Variants in BCKDHB observed in about 807,000 individuals in gnomAD.
BCKDHB encodes branched chain keto acid dehydrogenase E1 subunit beta, also known as 2-oxoisovalerate dehydrogenase subunit beta, mitochondrial.
Under a neutral mutation model 48.5 loss-of-function variants are expected in BCKDHB, and 41 were observed. That is an observed-to-expected ratio of 0.85 (90% CI 0.66 to 1.10). The LOEUF is 1.10. Among genes scored for constraint, BCKDHB ranks in the 50% least tolerant of loss-of-function variants. The pLI is 0.00. For missense variants in BCKDHB, 496 were observed against 494.2 expected, an observed-to-expected ratio of 1.00 and a Z score of -0.03; for synonymous variants, 201 against 174.8, an observed-to-expected ratio of 1.15 and a Z score of -1.18.
At chr6:80,332,349 T>C (rs1358241408) in intron 9 of BCKDHB, among the ~76,000 whole-genome samples, 1 of 152,216 alleles carries the variant, frequency 6.6e-6, no homozygotes, top group Non-Finnish European at 1.5e-5. Flanking sequence ...CTGGTATGTG[T>C]TGCTTTAATT....
the BCKDHB span, among the ~76,000 whole-genome samples, chr6:80,407,532 T>C: frequency 1.6e-4 from 25 of 152,342 alleles, 1 homozygote; most frequent in South Asian, 5.0e-3. Flanking sequence ...TTTTATTTCA[T>C]TGAGCAGTGG....
the BCKDHB span, among the ~76,000 whole-genome samples, chr6:80,405,132 G>T: frequency 6.6e-6 from 1 of 151,934 alleles, no homozygotes; most frequent in South Asian, 2.1e-4. Flanking sequence ...TTGAAAGTGG[G>T]GTATTTAAGT....
At chr6:80,210,141 A>C (rs1241014754) in intron 8 of BCKDHB, among the ~76,000 whole-genome samples, 1 of 151,512 alleles carries the variant, frequency 6.6e-6, no homozygotes, top group Non-Finnish European at 1.5e-5. Context: ...TATACAAAAA[A>C]AAAAAAAAAA....
intron 8 of BCKDHB, among the ~76,000 whole-genome samples, chr6:80,254,596 A>G (rs1022382479): frequency 7.9e-5 from 12 of 152,170 alleles, no homozygotes; most frequent in African/African-American, 2.4e-4. Context: ...TCTACTCTGT[A>G]GGTTGAGGCT....
chr6:80,148,499 A>G (rs1203217271), intron 3 of BCKDHB, among the ~76,000 whole-genome samples: 2 of 152,034 alleles, frequency 1.3e-5, no homozygotes, highest in Non-Finnish European at 2.9e-5. Flanking sequence ...TTCTTTCACT[A>G]TTGTTCCCAT....
intron 6 of BCKDHB, among the ~76,000 whole-genome samples, chr6:80,200,063 CAAAAAAAA>C (rs55737130): frequency 3.1e-5 from 1 of 32,774 alleles, no homozygotes; most frequent in Admixed American, 3.8e-4. Context: ...GACCCTGTCT[CAAAAAAAA>C]AAAAAAAAAA....
At chr6:80,449,393 T>C in the BCKDHB span, among the ~76,000 whole-genome samples, 1 of 152,324 alleles carries the variant, frequency 6.6e-6, no homozygotes, top group African/African-American at 2.4e-5. Flanking sequence ...GAAAGGAGTG[T>C]TGGCTCGTCA....
At position 80,278,516 on chromosome 6, in the gene BCKDHB, A is replaced by G. The variant is rs187537994; in HGVS notation, c.1038+5295A>G. On this transcript the variant is annotated intron_variant, in intron 9 of 9. Coordinates refer to ENST00000320393, the MANE Select transcript of BCKDHB (RefSeq NM_183050.4). ...CCCTAACCACACCTGGTCTGCTTCCATGTCATCTTCTCCTTTGCTTGTTTA... is the reference window on the plus strand; with the variant it reads ...CCCTAACCACACCTGGTCTGCTTCCGTGTCATCTTCTCCTTTGCTTGTTTA... Among the ~76,000 whole-genome samples, 18 of 152,146 alleles carry G rather than the reference A, an allele frequency of 1.2e-4. No individual in the cohort carries two copies. The East Asian group carries it at 1.7e-3, about 15-fold the overall frequency.
At chr6:80,258,241 A>G (rs886990344) in intron 8 of BCKDHB, among the ~76,000 whole-genome samples, 2 of 152,178 alleles carry the variant, frequency 1.3e-5, no homozygotes, top group East Asian at 1.9e-4. Context: ...GAAGCATTCA[A>G]AGATCACTGA....
chr6:80,428,955 G>C, the BCKDHB span, among the ~76,000 whole-genome samples: 1 of 152,202 alleles, frequency 6.6e-6, no homozygotes, highest in Admixed American at 6.5e-5. Flanking sequence ...CCATGCCTAT[G>C]TCCTGAATGG....
chr6:80,234,465 TTAA>T (rs968095518), intron 8 of BCKDHB, among the ~76,000 whole-genome samples: 1 of 152,160 alleles, frequency 6.6e-6, no homozygotes, highest in Non-Finnish European at 1.5e-5. Flanking sequence ...GGTTTTGAAC[TTAA>T]TAATAAATGG....
chr6:80,336,002 G>A (rs1311225096), intron 9 of BCKDHB, among the ~76,000 whole-genome samples: 1 of 151,924 alleles, frequency 6.6e-6, no homozygotes, highest in Non-Finnish European at 1.5e-5. Flanking sequence ...GTGACTTTAT[G>A]TAAGATTATA....
At position 80,300,110 on chromosome 6, in the gene BCKDHB, G is replaced by A. The variant is rs534978754; in HGVS notation, c.1038+26889G>A. Among the ~76,000 whole-genome samples the A allele has an allele frequency of 1.7e-3, 258 of 151,442 alleles. 1 individual carries two copies. Among genetic ancestry groups the A allele is most frequent in the Non-Finnish European group, 2.0e-3 (138 of 67,922 alleles). ...CCCACTGCCCAGACTGGAGCGTAGC[G>A]CTATGATCTCAGCCCACTGCATCCT... On this transcript the variant is annotated intron_variant, in intron 9 of 9. Transcript: ENST00000320393.
chr6:80,426,996 T>C, the BCKDHB span, among the ~76,000 whole-genome samples: 1 of 152,132 alleles, frequency 6.6e-6, no homozygotes, highest in Non-Finnish European at 1.5e-5. Flanking sequence ...TCATATACTT[T>C]AGAATTCTAA....
chr6:80,157,146 T>C (rs912668294), intron 3 of BCKDHB, among the ~76,000 whole-genome samples: 2 of 152,030 alleles, frequency 1.3e-5, no homozygotes, highest in African/African-American at 4.8e-5. Context: ...CAACTAGATG[T>C]TTTCTATTTC....
Position 80,342,252 on chromosome 6 carries a change from A to G in BCKDHB, c.1039-1412A>G, listed in dbSNP as rs560204992. Among the ~76,000 whole-genome samples, 3 of 152,274 alleles carry G rather than the reference A, an allele frequency of 2.0e-5. No individual in the cohort carries two copies. In the East Asian group the frequency reaches 5.8e-4, roughly 29 times the overall value. ...CAAATTAAAATGTGAACATAGTATA[A>G]TATGTAAAAAAAACTGGACCTCCTT... On this transcript the variant is annotated intron_variant, in intron 9 of 9. Coordinates refer to ENST00000320393, the MANE Select transcript of BCKDHB (RefSeq NM_183050.4).
rs141326795 is a variant in BCKDHB, at chr6:80,133,235, G to A, written c.343+4006G>A. On this transcript the variant is annotated intron_variant, in intron 3 of 9. Transcript: ENST00000320393. ...ATTCCATCAGAAGGCGGAATTTGAA[G>A]GATTGTGGGTTACTGACATACGTTG... 7.0e-4 allele frequency among the ~76,000 whole-genome samples: 107 copies of A among 152,302 alleles called. 2 individuals are homozygous for A. In the South Asian group the frequency reaches 8.7e-3, roughly 12 times the overall value.
At chr6:80,181,434 T>G (rs928156659) in intron 6 of BCKDHB, among the ~76,000 whole-genome samples, 5 of 152,188 alleles carry the variant, frequency 3.3e-5, no homozygotes, top group African/African-American at 1.2e-4. Flanking sequence ...CTCCTGAAAC[T>G]CAGTGGCTAA....
intron 9 of BCKDHB, among the ~76,000 whole-genome samples, chr6:80,296,095 C>A (rs568898309): frequency 2.0e-5 from 3 of 152,280 alleles, no homozygotes; most frequent in African/African-American, 7.2e-5. Context: ...GCAGTTAACT[C>A]CTGTTCTGCT....
Sources: allele counts gnomAD v4.1 joint callset (sites outside exome capture counted in the v4.1 genomes callset), GRCh38; gene constraint gnomAD v4.1.1; transcripts MANE v1.5; gene names NCBI Gene and HGNC (gene_info 2026-07-23, HGNC 2026-07-21).